The following ERG variants were observed in gnomAD, a reference collection of about 807,000 sequenced individuals.
ERG encodes the protein ETS transcription factor ERG, also known as transcriptional regulator ERG.
A neutral mutation model predicts 55.3 loss-of-function variants in ERG; 9 were observed. That is an observed-to-expected ratio of 0.16 (90% CI 0.10 to 0.28). The LOEUF (loss-of-function observed/expected upper bound fraction) is 0.28. ERG is among the 10% of genes least tolerant of loss of function. The pLI, the probability that ERG is intolerant of heterozygous loss-of-function variation, is 1.00. For missense variants in ERG, 434 were observed against 631.6 expected, an observed-to-expected ratio of 0.69 and a Z score of 3.35; for synonymous variants, 223 against 237.3, an observed-to-expected ratio of 0.94 and a Z score of 0.55.
At chr21:38,559,946 G>A (rs985027915) in intron 2 of ERG, among the ~76,000 whole-genome samples, 1 of 152,220 alleles carries the variant, frequency 6.6e-6, no homozygotes, top group Non-Finnish European at 1.5e-5. Context: ...GTCTCCCAAA[G>A]TGCTGGGATT....
chr21:38,474,119 T>G (rs1032606613), intron 1 of ERG: 1 of 152,174 alleles, frequency 6.6e-6, no homozygotes, highest in African/African-American at 2.4e-5. Context: ...CAATGGAGTT[T>G]AACTGTGAGA....
intron 3 of ERG, among the ~76,000 whole-genome samples, chr21:38,415,138 T>C (rs1442950796): frequency 6.6e-6 from 1 of 152,236 alleles, no homozygotes; most frequent in Non-Finnish European, 1.5e-5. Context: ...GAACCCAGAC[T>C]GTGGAGTCAG....
At chr21:38,583,721 G>T (rs2060044431) in intron 1 of ERG, among the ~76,000 whole-genome samples, 1 of 152,112 alleles carries the variant, frequency 6.6e-6, no homozygotes, top group Non-Finnish European at 1.5e-5. Flanking sequence ...CAATGTGACT[G>T]ATCCACTTAC....
At chr21:38,647,999 A>G (rs1448718410) in intron 1 of ERG, among the ~76,000 whole-genome samples, 1 of 152,266 alleles carries the variant, frequency 6.6e-6, no homozygotes, top group African/African-American at 2.4e-5. Flanking sequence ...TTCTCAGGAC[A>G]TCTTATTTCA....
chr21:38,555,481 T>C (rs531433905), intron 2 of ERG, among the ~76,000 whole-genome samples: 131 of 152,238 alleles, frequency 8.6e-4, no homozygotes, highest in African/African-American at 2.9e-3. Context: ...GGAGAAAATA[T>C]ATGAAACACA....
upstream of ERG, among the ~76,000 whole-genome samples, chr21:38,500,528 C>T (rs1451283726): frequency 6.6e-6 from 1 of 152,116 alleles, no homozygotes; most frequent in African/African-American, 2.4e-5. Context: ...CTCCTAATAC[C>T]CTTTGCCTGG....
intron 1 of ERG, among the ~76,000 whole-genome samples, chr21:38,634,015 C>A (rs1281602846): frequency 6.6e-6 from 1 of 152,148 alleles, no homozygotes; most frequent in East Asian, 1.9e-4. Context: ...GTATATAATT[C>A]TCTAAGAAGA....
intron 1 of ERG, among the ~76,000 whole-genome samples, chr21:38,592,344 T>C (rs1032515261): frequency 2.0e-5 from 3 of 151,926 alleles, no homozygotes; most frequent in African/African-American, 7.3e-5. Context: ...AGCCTGGAAC[T>C]GTTGATAAGA....
the ERG span, among the ~76,000 whole-genome samples, chr21:38,371,224 A>G: frequency 2.6e-5 from 4 of 152,186 alleles, no homozygotes; most frequent in South Asian, 8.3e-4. Flanking sequence ...TAGTATGTAA[A>G]AATGCAATTG....
intron 2 of ERG, among the ~76,000 whole-genome samples, chr21:38,440,512 C>G (rs1448286452): frequency 6.6e-6 from 1 of 152,120 alleles, no homozygotes; most frequent in East Asian, 1.9e-4. Context: ...GGAGCTGCAC[C>G]TGACATTCGT....
chr21:38,507,713 G>A (rs2059474403), intron 2 of ERG, among the ~76,000 whole-genome samples: 1 of 152,184 alleles, frequency 6.6e-6, no homozygotes, highest in African/African-American at 2.4e-5. Flanking sequence ...TTGACAGGAG[G>A]GAACTGGGAC....
the ERG span, among the ~76,000 whole-genome samples, chr21:38,370,406 T>C: frequency 1.3e-5 from 2 of 152,128 alleles, no homozygotes; most frequent in African/African-American, 2.4e-5. Context: ...TGATATATTT[T>C]AATTTAAACA....
intron 8 of ERG, 22 bp downstream of exon 8, chr21:38,391,637 C>G (rs1175020684): frequency 6.3e-7 from 1 of 1,597,412 alleles, no homozygotes; most frequent in Non-Finnish European, 8.6e-7. Flanking sequence ...TTATGGTTAT[C>G]CAGACGGCCC....
chr21:38,380,054 T>A lies in ERG; in HGVS notation c.*3349A>T. 9.9e-7 allele frequency: 1 copy of A among 1,014,478 alleles called. No individual in the cohort carries two copies. Among genetic ancestry groups the A allele is most frequent in the Non-Finnish European group, 1.2e-6 (1 of 846,532 alleles). The allele number at this position is 1,014,478 out of a possible 1,614,324, so 62.8% of individuals were successfully genotyped here. On this transcript the variant is annotated 3_prime_UTR_variant, in exon 10 of 10. Transcript: ENST00000288319. The stretch of plus-strand genomic sequence containing the variant: ...TGGTGTATTTTTGAGTAGTCCAAAG[T>A]AATTTTTATTCTCTAATTAGTCACC...
At chr21:38,641,113 C>T (rs756567664) in intron 1 of ERG, among the ~76,000 whole-genome samples, 2 of 152,188 alleles carry the variant, frequency 1.3e-5, no homozygotes, top group Non-Finnish European at 2.9e-5. Flanking sequence ...ATCCCATGCT[C>T]ATTGCATGTA....
At chr21:38,535,805 G>A (rs1019660814) in intron 2 of ERG, among the ~76,000 whole-genome samples, 4 of 152,244 alleles carry the variant, frequency 2.6e-5, no homozygotes, top group South Asian at 2.1e-4. Flanking sequence ...AAAAGTTAAC[G>A]TGCTTGATTA....
intron 1 of ERG, among the ~76,000 whole-genome samples, chr21:38,656,912 G>T (rs2146994424): frequency 6.6e-6 from 1 of 152,122 alleles, no homozygotes; most frequent in Middle Eastern, 3.4e-3. Context: ...TGTTTTGCAG[G>T]GGTAATAATT....
chr21:38,487,445 G>T (rs997595963), intron 1 of ERG, among the ~76,000 whole-genome samples: 11 of 152,026 alleles, frequency 7.2e-5, no homozygotes, highest in Non-Finnish European at 8.8e-5. Flanking sequence ...ACCTGTATTT[G>T]CTACAGGCTA....
intron 1 of ERG, among the ~76,000 whole-genome samples, chr21:38,466,621 G>A (rs1031547318): frequency 6.6e-5 from 10 of 152,200 alleles, no homozygotes; most frequent in African/African-American, 2.2e-4. Flanking sequence ...ACAGGTCTGG[G>A]AAATTATTCT....
Sources: allele counts gnomAD v4.1 joint callset (sites outside exome capture counted in the v4.1 genomes callset), GRCh38; gene constraint gnomAD v4.1.1; transcripts MANE v1.5; gene names NCBI Gene and HGNC (gene_info 2026-07-23, HGNC 2026-07-21).